Variants in CYB5R3 observed in about 807,000 individuals in gnomAD.
CYB5R3 encodes NADH-cytochrome b5 reductase 3.
A neutral mutation model predicts 36.5 loss-of-function variants in CYB5R3; 28 were observed. The observed-to-expected ratio is 0.77, with a 90% confidence interval of 0.57 to 1.05. CYB5R3 has a LOEUF of 1.05. Among genes scored for constraint, CYB5R3 ranks in the 50% least tolerant of loss-of-function variants. The pLI is 0.00. For synonymous variants in CYB5R3, 181 were observed against 159.8 expected (o/e 1.13, Z -1.00); for missense variants, 474 against 408.9 (o/e 1.16, Z -1.37).
Position 42,619,944 on chromosome 22 carries a change from G to C in CYB5R3, c.735C>G (p.Ala245=), listed in dbSNP as rs754233866. 4.4e-6 allele frequency: 7 copies of C among 1,596,494 alleles called. No individual in the cohort carries two copies. The East Asian group carries it at 1.1e-4, about 26-fold the overall frequency. ...LWYTLDRAPE[A]WDYGQGFVNE... is the part of the protein sequence containing the mutation. ...TCACGAAGCCCTGGCCGTAGTCCCA[G>C]GCTGTGGGGTGAGAGACCAGGTAAG... Residue 245 remains alanine, a splice_region_variant and synonymous_variant, in exon 9 of 9, where the codon GCC becomes GCG. Transcript: ENST00000352397.
At chr22:42,632,783 T>G (rs569839860) in intron 2 of CYB5R3, 1 of 152,340 alleles carries the variant, frequency 6.6e-6, no homozygotes, top group Non-Finnish European at 1.5e-5. Context: ...TCCCAGCACT[T>G]TGGGAGGCCG....
Position 42,634,513 on chromosome 22 carries a change from C to T in CYB5R3, c.153+2202G>A, listed in dbSNP as rs189727424. Among the ~76,000 whole-genome samples, 325 of 152,058 alleles carry T rather than the reference C, an allele frequency of 2.1e-3. 1 individual carries two copies. Among genetic ancestry groups the T allele is most frequent in the African/African-American group, 7.5e-3 (311 of 41,496 alleles). On this transcript the variant is annotated intron_variant, in intron 2 of 8. Transcript: ENST00000352397. The stretch of plus-strand genomic sequence containing the variant: ...CCAGGCTGGAGTGCAATGGTGTGAT[C>T]TTGGCTCACTGCAACCTCTGCCTCC...
At chr22:42,629,295 T>C (rs1928483719) in intron 4 of CYB5R3, among the ~76,000 whole-genome samples, 1 of 152,118 alleles carries the variant, frequency 6.6e-6, no homozygotes, top group Non-Finnish European at 1.5e-5. Flanking sequence ...CTTCAATCCT[T>C]GAGCCTGCTG....
At chr22:42,627,920 G>A (rs990557574) in intron 5 of CYB5R3, among the ~76,000 whole-genome samples, 1 of 152,116 alleles carries the variant, frequency 6.6e-6, no homozygotes, top group African/African-American at 2.4e-5. Flanking sequence ...AAGCCAAATA[G>A]AGGCTGGCAG....
intron 4 of CYB5R3, among the ~76,000 whole-genome samples, chr22:42,630,339 G>C (rs957369184): frequency 2.0e-5 from 3 of 152,186 alleles, no homozygotes; most frequent in African/African-American, 7.2e-5. Flanking sequence ...ACATTTCTTA[G>C]GGAAACGGGT....
chr22:42,640,157 G>A (rs761862172), intron 1 of CYB5R3: 5 of 1,613,322 alleles, frequency 3.1e-6, no homozygotes, highest in Non-Finnish European at 4.2e-6. Flanking sequence ...GGGGTGGGAG[G>A]AACCAGCTCA....
At chr22:42,636,935 GCTGCCCCCT>G in intron 1 of CYB5R3, 89 bp from the exon 2 acceptor site, 2 of 1,536,216 alleles carry the variant, frequency 1.3e-6, no homozygotes, top group Non-Finnish European at 1.8e-6. Context: ...CTCTGCTCAC[GCTGCCCCCT>G]CTGCCAGGAG....
At chr22:42,627,559 C>T (rs759555191) in intron 6 of CYB5R3, 46 bp downstream of exon 6, 2 of 1,574,600 alleles carry the variant, frequency 1.3e-6, no homozygotes, top group East Asian at 2.2e-5. Context: ...CCCAACCCCA[C>T]CCTTAACATG....
intron 2 of CYB5R3, among the ~76,000 whole-genome samples, chr22:42,634,329 ATAG>A: frequency 6.6e-6 from 1 of 151,850 alleles, no homozygotes; most frequent in Admixed American, 6.6e-5. Flanking sequence ...CCATTGCACT[ATAG>A]CCTGGGCAAC....
rs1927719997 is a variant in CYB5R3 at position 42,618,073 on chromosome 22, T to G, written c.*1700A>C. The G allele has an allele frequency of 6.6e-6, 1 of 152,272 alleles. No homozygotes were observed. The highest frequency in any genetic ancestry group is 6.5e-5 in the Admixed American group (1 of 15,272). 9.4% of individuals were successfully genotyped at this position (152,272 alleles called of 1,614,324 possible). A position where few individuals can be genotyped will look rare whatever the true frequency, so the allele number is the denominator to read the frequency against. ...CCATGCAGATGGCATCCTCTGACTTTCCTGAGCCTCGAGGCTCATCTGACC... is the reference window on the plus strand; with the variant it reads ...CCATGCAGATGGCATCCTCTGACTTGCCTGAGCCTCGAGGCTCATCTGACC... On this transcript the variant is annotated 3_prime_UTR_variant, in exon 9 of 9. Transcript: ENST00000352397.
In CYB5R3 at chr22:42,630,969, C is replaced by T. The variant is rs572851751; in HGVS notation, c.246G>A (p.Ser82=). The part of the protein sequence containing the change: ...GLPVGQHIYL[S]ARIDGNLVVR... ...CGACCAGGTTTCCATCAATTCGAGC[C>T]GAGAGGTAGATGTGCTGGCCTGCAG... The change falls in exon 4 of 9, where the codon TCG becomes TCA. Residue 82 remains serine (S), a synonymous_variant. Transcript: ENST00000352397. 103 of 1,613,936 alleles carry T rather than the reference C, an allele frequency of 6.4e-5. No homozygotes were observed. In the East Asian group the frequency reaches 1.0e-3, roughly 16 times the overall value.
At chr22:42,638,612 A>G (rs558886723) in intron 1 of CYB5R3, among the ~76,000 whole-genome samples, 77 of 148,752 alleles carry the variant, frequency 5.2e-4, no homozygotes, top group African/African-American at 1.9e-3. Flanking sequence ...ACAGTGGCGC[A>G]TGCCTGTAAT....
At chr22:42,648,318 C>T (rs1929620926) in intron 1 of CYB5R3, among the ~76,000 whole-genome samples, 1 of 152,104 alleles carries the variant, frequency 6.6e-6, no homozygotes, top group Admixed American at 6.6e-5. Context: ...GGGCTGATTC[C>T]TCCTGTGCCA....
chr22:42,636,567 C>T, intron 2 of CYB5R3, 148 bp downstream of exon 2: 3 of 1,307,522 alleles, frequency 2.3e-6, no homozygotes, highest in Non-Finnish European at 3.2e-6. Context: ...TCCTGGTGGC[C>T]TTAGCAAGAG....
chr22:42,636,810 A>G lies in CYB5R3; in HGVS notation c.58T>C (p.Tyr20His). The G allele has an allele frequency of 1.4e-5, 22 of 1,614,010 alleles. No individual in the cohort carries two copies. The highest frequency in any genetic ancestry group is 1.9e-5 in the Non-Finnish European group (22 of 1,180,022). The change falls in exon 2 of 9, where the codon TAC (tyrosine) becomes CAC (histidine). Residue 20 changes from tyrosine (Y) to histidine (H), a missense_variant. Physicochemically the swap from Tyr to His is moderately conservative, Grantham distance 83. Coordinates refer to ENST00000352397, the MANE Select transcript of CYB5R3 (RefSeq NM_000398.7). ...TGGAACAGCTTCATGAGCAGACTGT[A>G]CAGGAACCAGACTGGGAAGAGCACC... ...HMVLFPVWFL[Y>H]SLLMKLFQRS...
intron 1 of CYB5R3, among the ~76,000 whole-genome samples, chr22:42,646,224 C>T (rs8190390): frequency 6.6e-6 from 1 of 152,178 alleles, no homozygotes; most frequent in African/African-American, 2.4e-5. Flanking sequence ...CACACACTCA[C>T]ACACACAGAC....
chr22:42,638,821 TC>T (rs1404838841), intron 1 of CYB5R3, among the ~76,000 whole-genome samples: 1 of 144,100 alleles, frequency 6.9e-6, no homozygotes, highest in Non-Finnish European at 1.5e-5. Context: ...TCATCTGAGG[TC>T]AGGAGTTCAA....
intron 7 of CYB5R3, among the ~76,000 whole-genome samples, chr22:42,626,834 C>T (rs1291172089): frequency 1.3e-5 from 2 of 152,246 alleles, no homozygotes; most frequent in Admixed American, 6.5e-5. Context: ...CCAGGGCGGG[C>T]AGGCAGGCAG....
chr22:42,623,698 G>T, intron 8 of CYB5R3, 91 bp downstream of exon 8: 2 of 1,099,104 alleles, frequency 1.8e-6, no homozygotes, highest in Non-Finnish European at 1.4e-6. Context: ...GCCAGATGTC[G>T]TCCAAAGGCT....
Sources: gnomAD v4.1 joint callset for allele counts (sites outside exome capture counted in the v4.1 genomes callset) on GRCh38, gnomAD v4.1.1 for gene constraint, MANE v1.5 for transcripts, NCBI Gene and HGNC (gene_info 2026-07-23, HGNC 2026-07-21) for gene names.